The following CFAP52 variants were observed in gnomAD, a reference collection of about 807,000 sequenced individuals.
CFAP52 encodes cilia and flagella associated protein 52.
CFAP52 carries 57 observed loss-of-function variants against 70.5 expected under a neutral mutation model. The ratio of observed to expected loss-of-function variants is 0.81; its 90% confidence interval spans 0.65 to 1.01. CFAP52 has a LOEUF of 1.01. Ranked by LOEUF, CFAP52 falls within the 50% of genes least tolerant of loss-of-function variation. The probability of loss-of-function intolerance (pLI) is 0.00; values close to 1 mark genes in which losing one functional copy is unlikely to be tolerated. For missense variants in CFAP52, 785 were observed against 788.5 expected, an observed-to-expected ratio of 1.00 and a Z score of 0.05; for synonymous variants, 267 against 292.5, an observed-to-expected ratio of 0.91 and a Z score of 0.89.
intron 11 of CFAP52, among the ~76,000 whole-genome samples, chr17:9,636,981 G>C (rs922479723): frequency 2.0e-5 from 3 of 152,102 alleles, no homozygotes; most frequent in Non-Finnish European, 4.4e-5. Flanking sequence ...GGAGGCGGAG[G>C]TTGCAGTGAG....
rs1428492158 is a variant in CFAP52, at chr17:9,636,190, AG to A, written c.1472+635del. ...ACTCTGTCTCAAAAAAAAGAAAGAAAGAAAGAAAGAAAGAAAGAAAGAAAGA... is the reference window on the plus strand; with the variant it reads ...ACTCTGTCTCAAAAAAAAGAAAGAAAAAAGAAAGAAAGAAAGAAAGAAAGA... On this transcript the variant is annotated intron_variant, in intron 11 of 13. Transcript: ENST00000352665. Among the ~76,000 whole-genome samples the A allele has an allele frequency of 2.2e-3, 238 of 107,270 alleles. 11 individuals carry two copies. Among genetic ancestry groups the A allele is most frequent in the African/African-American group, 0.01 (225 of 22,248 alleles). 70.4% of individuals were successfully genotyped at this position (107,270 alleles called of 152,430 possible). A position where few individuals can be genotyped will look rare whatever the true frequency, so the allele number is the denominator to read the frequency against.
Position 9,585,985 on chromosome 17 carries a change from A to G in CFAP52, c.270+13A>G, listed in dbSNP as rs1908454130. 6.2e-7 allele frequency: 1 copy of G among 1,612,956 alleles called. No homozygotes were observed. Among genetic ancestry groups the G allele is most frequent in the African/African-American group, 1.3e-5 (1 of 75,000 alleles). ...CATGGGGTTCAAGGTGAATACAGTG[A>G]AAACGACTCATTGTCAATTTATCTA... On this transcript the variant is annotated intron_variant, in intron 2 of 13. Coordinates refer to ENST00000352665, the MANE Select transcript of CFAP52 (RefSeq NM_145054.5).
intron 1 of CFAP52, among the ~76,000 whole-genome samples, chr17:9,581,296 C>G (rs893179568): frequency 6.6e-6 from 1 of 152,070 alleles, no homozygotes; most frequent in Non-Finnish European, 1.5e-5. Context: ...GAATTGTTCA[C>G]GTTAAAACAG....
At chr17:9,622,271 G>C (rs1164032495) in intron 8 of CFAP52, among the ~76,000 whole-genome samples, 1 of 152,166 alleles carries the variant, frequency 6.6e-6, no homozygotes, top group East Asian at 1.9e-4. Context: ...GTCTCAGCCA[G>C]GTGCAGTGGC....
intron 8 of CFAP52, among the ~76,000 whole-genome samples, chr17:9,616,482 T>C (rs1909931584): frequency 7.2e-6 from 1 of 138,502 alleles, no homozygotes; most frequent in Admixed American, 7.4e-5. Context: ...AAGCTCGAAC[T>C]GGGTGGAGCC....
chr17:9,594,893 G>GGT (rs1555541460), intron 4 of CFAP52, among the ~76,000 whole-genome samples: 1 of 130,770 alleles, frequency 7.6e-6, no homozygotes, highest in Non-Finnish European at 1.6e-5. Flanking sequence ...ATTAGGGAGG[G>GGT]TTTTTTTTTT....
At chr17:9,622,156 A>G (rs1305234886) in intron 8 of CFAP52, among the ~76,000 whole-genome samples, 5 of 152,092 alleles carry the variant, frequency 3.3e-5, no homozygotes, top group Non-Finnish European at 7.4e-5. Context: ...GGAATTCTAG[A>G]TCTTTGCTAT....
chr17:9,641,823 C>T lies in CFAP52; in HGVS notation c.1675C>T (p.His559Tyr), dbSNP rs1911076643. The T allele has an allele frequency of 6.2e-7, 1 of 1,613,442 alleles. No homozygotes were observed. Among genetic ancestry groups the T allele is most frequent in the African/African-American group, 1.3e-5 (1 of 74,924 alleles). ...NGMDITQEGV[H>Y]FVTGGNDHLV... ...CATGGATATCACACAGGAAGGGGTGCACTTTGTCACAGGTTAGTCCTGGGA... is the reference window on the plus strand; with the variant it reads ...CATGGATATCACACAGGAAGGGGTGTACTTTGTCACAGGTTAGTCCTGGGA... Residue 559 changes from histidine (H) to tyrosine (Y), a missense_variant, in exon 13 of 14, where the codon CAC becomes TAC. Physicochemically the swap from His to Tyr is moderately conservative, Grantham distance 83. Transcript: ENST00000352665.
chr17:9,614,144 CT>C (rs1909817530), intron 8 of CFAP52, among the ~76,000 whole-genome samples: 1 of 136,116 alleles, frequency 7.3e-6, no homozygotes, highest in Admixed American at 8.3e-5. Flanking sequence ...TTTTCTTTTT[CT>C]TTTCTTTCTT....
At chr17:9,626,065 C>G (rs370139274) in intron 8 of CFAP52, among the ~76,000 whole-genome samples, 2 of 152,202 alleles carry the variant, frequency 1.3e-5, no homozygotes, top group South Asian at 2.1e-4. Flanking sequence ...AGAGAGGGAG[C>G]ACATGGGCTT....
intron 3 of CFAP52, among the ~76,000 whole-genome samples, chr17:9,588,272 C>A (rs544873828): frequency 6.6e-6 from 1 of 152,330 alleles, no homozygotes; most frequent in East Asian, 1.9e-4. Context: ...CCTGTGGACA[C>A]TGTGCAGGTG....
At position 9,641,846 on chromosome 17, in the gene CFAP52, G is replaced by C. The variant is rs774449567; in HGVS notation, c.1687+11G>C. On this transcript the variant is annotated intron_variant, in intron 13 of 13. Transcript: ENST00000352665. ...TGCACTTTGTCACAGGTTAGTCCTG[G>C]GATAGGAAAAAGCCAAGCCTGGCTT... The C allele has an allele frequency of 1.2e-6, 2 of 1,610,670 alleles. No homozygotes were observed. The highest frequency in any genetic ancestry group is 1.7e-6 in the Non-Finnish European group (2 of 1,177,156).
At chr17:9,639,387 C>T (rs1910957176) in intron 12 of CFAP52, among the ~76,000 whole-genome samples, 1 of 151,466 alleles carries the variant, frequency 6.6e-6, no homozygotes, top group Non-Finnish European at 1.5e-5. Flanking sequence ...GCCAAGATTG[C>T]ACCACTGCAC....
In CFAP52 at chr17:9,643,131, A is replaced by G; in HGVS notation, c.1796A>G (p.Asn599Ser). 6.2e-7 allele frequency: 1 copy of G among 1,613,896 alleles called. No individual in the cohort carries two copies. The highest frequency in any genetic ancestry group is 8.5e-7 in the Non-Finnish European group (1 of 1,179,910). ...NITRIRISPG[N>S]QYIVSVSADG... ...ACACGCATCCGCATAAGTCCAGGAAATCAATATATTGTTAGTGTAAGTGCC... is the reference window on the plus strand; with the variant it reads ...ACACGCATCCGCATAAGTCCAGGAAGTCAATATATTGTTAGTGTAAGTGCC... The change falls in exon 14 of 14, where the codon AAT (asparagine) becomes AGT (serine). Residue 599 changes from asparagine to serine, a missense_variant. By Grantham distance (46) the Asn-to-Ser change is conservative. Transcript: ENST00000352665.
rs1280332623 is a variant in CFAP52 at position 9,612,484 on chromosome 17, G to C, written c.1025+5G>C. On this transcript the variant is annotated splice_donor_5th_base_variant and intron_variant, in intron 8 of 13. Transcript: ENST00000352665. ...CGAGGATATTGTCTTTCCATTGTGA[G>C]TAGAAGAGAAAAACAAGAATGTGGA... 7.5e-6 allele frequency: 12 copies of C among 1,610,608 alleles called. No individual in the cohort carries two copies. The highest frequency in any genetic ancestry group is 1.0e-5 in the Non-Finnish European group (12 of 1,177,886).
intron 8 of CFAP52, among the ~76,000 whole-genome samples, chr17:9,622,839 T>C (rs1203137767): frequency 6.6e-6 from 1 of 152,140 alleles, no homozygotes; most frequent in Non-Finnish European, 1.5e-5. Flanking sequence ...TTCCAATCAC[T>C]ACCCTCACCC....
intron 11 of CFAP52, among the ~76,000 whole-genome samples, chr17:9,636,235 G>GAAAGAA: frequency 6.9e-6 from 1 of 144,296 alleles, no homozygotes; most frequent in Non-Finnish European, 1.5e-5. Flanking sequence ...AAGAAAGAAA[G>GAAAGAA]AAAGAAAGAA....
At chr17:9,592,495 C>T (rs955781772) in intron 3 of CFAP52, among the ~76,000 whole-genome samples, 4 of 151,900 alleles carry the variant, frequency 2.6e-5, no homozygotes, top group Admixed American at 6.6e-5. Context: ...TAAAAAGAAA[C>T]CCCGTACCCA....
chr17:9,593,523 T>C (rs1289306680), intron 3 of CFAP52, among the ~76,000 whole-genome samples: 1 of 152,148 alleles, frequency 6.6e-6, no homozygotes, highest in Non-Finnish European at 1.5e-5. Context: ...TGGTGCAATC[T>C]TGGCTCACTG....
Sources: gnomAD v4.1 joint callset for allele counts (sites outside exome capture counted in the v4.1 genomes callset) on GRCh38, gnomAD v4.1.1 for gene constraint, MANE v1.5 for transcripts, NCBI Gene and HGNC (gene_info 2026-07-23, HGNC 2026-07-21) for gene names.